The following NCAM2 variants were observed in gnomAD, a reference collection of about 807,000 sequenced individuals.
NCAM2 encodes the protein neural cell adhesion molecule 2, also known as N-CAM-2.
A neutral mutation model predicts 98.1 loss-of-function variants in NCAM2; 30 were observed. That is an observed-to-expected ratio of 0.31 (90% CI 0.23 to 0.41). The LOEUF (loss-of-function observed/expected upper bound fraction) is 0.41, where lower values mean the gene tolerates loss of function less well. Among genes scored for constraint, NCAM2 ranks in the 10% least tolerant of loss-of-function variants. NCAM2 has a pLI of 1.00. For missense variants in NCAM2, 867 were observed against 1,005.8 expected (o/e 0.86, Z 1.87); for synonymous variants, 368 against 342.4 (o/e 1.07, Z -0.83).
At chr21:21,000,698 G>C (rs1326199567) in intron 1 of NCAM2, among the ~76,000 whole-genome samples, 2 of 152,098 alleles carry the variant, frequency 1.3e-5, no homozygotes, top group Non-Finnish European at 2.9e-5. Flanking sequence ...CACTCATAGA[G>C]ACACAGATAT....
chr21:21,216,827 T>G (rs941561119), intron 1 of NCAM2, among the ~76,000 whole-genome samples: 1 of 152,128 alleles, frequency 6.6e-6, no homozygotes, highest in Non-Finnish European at 1.5e-5. Context: ...TAGGTACAGG[T>G]GGGAAAACCC....
At chr21:21,333,755 CTAT>C (rs903310402) in intron 6 of NCAM2, among the ~76,000 whole-genome samples, 2 of 151,304 alleles carry the variant, frequency 1.3e-5, no homozygotes, top group Non-Finnish European at 2.9e-5. Flanking sequence ...CTCTACCGTG[CTAT>C]TATTATTATT....
chr21:21,191,327 T>G (rs1464581134), intron 1 of NCAM2, among the ~76,000 whole-genome samples: 1 of 152,230 alleles, frequency 6.6e-6, no homozygotes, highest in Non-Finnish European at 1.5e-5. Context: ...AGACCAATGA[T>G]GGATTTCCCT....
chr21:21,388,757 G>T (rs573667548), intron 9 of NCAM2, among the ~76,000 whole-genome samples: 1 of 152,236 alleles, frequency 6.6e-6, no homozygotes, highest in East Asian at 1.9e-4. Context: ...TTATTCGGTT[G>T]TACATTATAT....
At position 21,540,377 on chromosome 21, in the gene NCAM2, T is replaced by G. The variant is rs969739040; in HGVS notation, c.*2420T>G. 1 of 151,726 alleles carries G rather than the reference T, an allele frequency of 6.6e-6. No individual in the cohort carries two copies. The highest frequency in any genetic ancestry group is 2.4e-5 in the African/African-American group (1 of 41,366). The allele number at this position is 151,726 out of a possible 1,614,324, so 9.4% of individuals were successfully genotyped here. ...AACAGATAATCTGAAGCTAATTATA[T>G]TCAGACTATTTCAAGTGCACTGTTT... On this transcript the variant is annotated 3_prime_UTR_variant, in exon 18 of 18. Coordinates refer to ENST00000400546, the MANE Select transcript of NCAM2 (RefSeq NM_004540.5).
rs540749161 is a variant in NCAM2 at position 21,357,555 on chromosome 21, A to C, written c.1045-16308A>C. Among the ~76,000 whole-genome samples the C allele has an allele frequency of 8.3e-4, 127 of 152,286 alleles. 1 individual carries two copies. The highest frequency in any genetic ancestry group is 2.4e-3 in the African/African-American group (98 of 41,576). The stretch of plus-strand genomic sequence containing the variant: ...TTAAAAAAAGCTCTGGTGAAATGAA[A>C]AACTAAAATATAAAAAAGTGGCATA... On this transcript the variant is annotated intron_variant, in intron 8 of 17. Transcript: ENST00000400546.
rs77550790 is a variant in NCAM2, at chr21:21,307,483, T to G, written c.619+15242T>G. On this transcript the variant is annotated intron_variant, in intron 5 of 17. Transcript: ENST00000400546. ...AAAACAGCAGAAATTAATAATTAGGTCAGAAGTCCACATAGGCTCTGCTGG... is the reference window on the plus strand; with the variant it reads ...AAAACAGCAGAAATTAATAATTAGGGCAGAAGTCCACATAGGCTCTGCTGG... 5.1e-3 allele frequency among the ~76,000 whole-genome samples: 784 copies of G among 152,286 alleles called. 4 individuals are homozygous for G. The highest frequency in any genetic ancestry group is 8.7e-3 in the Non-Finnish European group (593 of 68,038).
chr21:21,208,128 A>G (rs1489332851), intron 1 of NCAM2, among the ~76,000 whole-genome samples: 1 of 152,188 alleles, frequency 6.6e-6, no homozygotes, highest in Admixed American at 6.6e-5. Flanking sequence ...AGCCCCTTTG[A>G]AGTTAATTAC....
At chr21:21,346,450 C>A (rs536290277) in intron 8 of NCAM2, among the ~76,000 whole-genome samples, 51 of 152,070 alleles carry the variant, frequency 3.4e-4, no homozygotes, top group African/African-American at 1.2e-3. Flanking sequence ...CTTCAACACC[C>A]AACTTTCAGC....
chr21:21,068,941 A>G (rs1177712072), intron 1 of NCAM2, among the ~76,000 whole-genome samples: 1 of 152,120 alleles, frequency 6.6e-6, no homozygotes, highest in Non-Finnish European at 1.5e-5. Flanking sequence ...GTACTGTCAT[A>G]TTTCCATGGC....
chr21:21,213,866 G>A (rs1167908612), intron 1 of NCAM2, among the ~76,000 whole-genome samples: 1 of 152,072 alleles, frequency 6.6e-6, no homozygotes, highest in Non-Finnish European at 1.5e-5. Context: ...GTATTTAGGG[G>A]TGACAGGAGG....
intron 1 of NCAM2, among the ~76,000 whole-genome samples, chr21:21,198,406 T>G (rs1057215103): frequency 5.3e-5 from 8 of 152,140 alleles, no homozygotes; most frequent in Admixed American, 5.2e-4. Context: ...CGGAATGTAC[T>G]TTACTGGAAA....
At chr21:21,406,619 AG>A (rs1178619760) in intron 9 of NCAM2, among the ~76,000 whole-genome samples, 8 of 152,176 alleles carry the variant, frequency 5.3e-5, no homozygotes, top group African/African-American at 1.9e-4. Context: ...CTCCACCTCC[AG>A]TGAATGACAT....
chr21:21,283,728 T>C (rs564737344), intron 2 of NCAM2, among the ~76,000 whole-genome samples: 1 of 152,058 alleles, frequency 6.6e-6, no homozygotes, highest in African/African-American at 2.4e-5. Flanking sequence ...TTTACATTTT[T>C]GTAAGCTCGA....
intron 11 of NCAM2, 146 bp downstream of exon 11, chr21:21,418,715 G>C: frequency 1.5e-6 from 1 of 684,712 alleles, no homozygotes; most frequent in Non-Finnish European, 2.6e-6. Flanking sequence ...GGTTACCAGA[G>C]GCTTGGTAGT....
chr21:21,500,015 C>A (rs567367480), intron 15 of NCAM2, among the ~76,000 whole-genome samples: 16 of 151,858 alleles, frequency 1.1e-4, no homozygotes, highest in African/African-American at 3.4e-4. Flanking sequence ...TTATAAAATA[C>A]TACCTGTTTA....
At chr21:21,199,810 T>C (rs1029472987) in intron 1 of NCAM2, among the ~76,000 whole-genome samples, 1 of 152,114 alleles carries the variant, frequency 6.6e-6, no homozygotes, top group African/African-American at 2.4e-5. Flanking sequence ...GGCATTCTTA[T>C]ACTTATGAAT....
At chr21:21,212,825 C>T (rs2069713294) in intron 1 of NCAM2, among the ~76,000 whole-genome samples, 1 of 149,274 alleles carries the variant, frequency 6.7e-6, no homozygotes, top group Admixed American at 6.8e-5. Flanking sequence ...TCACTGCGAG[C>T]ACCGCCTCCC....
At chr21:21,050,031 G>A (rs28541412) in intron 1 of NCAM2, among the ~76,000 whole-genome samples, 9,142 of 151,986 alleles carry the variant, frequency 0.06, 895 homozygotes, top group African/African-American at 0.2. Flanking sequence ...TTATTCTACA[G>A]TATGCATCAG....
Sources: allele counts gnomAD v4.1 joint callset (sites outside exome capture counted in the v4.1 genomes callset), GRCh38; gene constraint gnomAD v4.1.1; transcripts MANE v1.5; gene names NCBI Gene and HGNC (gene_info 2026-07-23, HGNC 2026-07-21).